OR9Q1: variants seen among roughly 807,000 people sequenced by gnomAD.
OR9Q1 encodes olfactory receptor family 9 subfamily Q member 1.
For synonymous variants in OR9Q1, 153 were observed against 148.6 expected (o/e 1.03, Z -0.22); for missense variants, 374 against 378.8 (o/e 0.99, Z 0.11).
At position 58,078,770 on chromosome 11, in the gene OR9Q1, T is replaced by C. The variant is rs143539504; in HGVS notation, c.-15+22823T>C. 1.2e-4 allele frequency among the ~76,000 whole-genome samples: 18 copies of C among 152,348 alleles called. No homozygotes were observed. The East Asian group carries it at 3.5e-3, about 29-fold the overall frequency. On this transcript the variant is annotated intron_variant, in intron 2 of 2. Transcript: ENST00000335397. ...TAGAAGACCCATCATTGGTATTTTCTCTTGAGCATCTCCTCTCTTTGAAAA... is the reference window on the plus strand; with the variant it reads ...TAGAAGACCCATCATTGGTATTTTCCCTTGAGCATCTCCTCTCTTTGAAAA...
chr11:58,143,052 T>C (rs766764299), intron 2 of OR9Q1, among the ~76,000 whole-genome samples: 1 of 152,148 alleles, frequency 6.6e-6, no homozygotes. Context: ...ATTGTGCATA[T>C]ATGCACATCA....
At chr11:58,048,063 G>T (rs1178135622) in intron 1 of OR9Q1, among the ~76,000 whole-genome samples, 5 of 152,122 alleles carry the variant, frequency 3.3e-5, no homozygotes, top group Non-Finnish European at 7.4e-5. Context: ...AAGATAATGG[G>T]GATCTGAAAC....
intron 2 of OR9Q1, among the ~76,000 whole-genome samples, chr11:58,175,544 C>G (rs1185464004): frequency 1.3e-5 from 2 of 152,056 alleles, no homozygotes; most frequent in African/African-American, 2.4e-5. Context: ...AATAGTATTC[C>G]CATAATACTA....
chr11:58,162,187 C>T (rs1380724863), intron 2 of OR9Q1, among the ~76,000 whole-genome samples: 5 of 152,302 alleles, frequency 3.3e-5, no homozygotes, highest in African/African-American at 1.2e-4. Context: ...GCTAACATAC[C>T]ATTATTGTCA....
Position 58,180,380 on chromosome 11 carries a change from A to G in OR9Q1, c.*3A>G, listed in dbSNP as rs1319485948. 7.1e-6 allele frequency: 11 copies of G among 1,548,742 alleles called. No individual in the cohort carries two copies. Among genetic ancestry groups the G allele is most frequent in the Non-Finnish European group, 9.6e-6 (11 of 1,145,146 alleles). The stretch of plus-strand genomic sequence containing the variant: ...TCAATAGAGCCAAGTTGTCCTAACC[A>G]TCTCCAAACTTGGAAAATCCCGAGA... On this transcript the variant is annotated 3_prime_UTR_variant, in exon 3 of 3. Transcript: ENST00000335397.
chr11:58,058,729 GA>G (rs1309525153), intron 2 of OR9Q1, among the ~76,000 whole-genome samples: 1 of 152,168 alleles, frequency 6.6e-6, no homozygotes. Context: ...TGATCTTTGA[GA>G]AGGCCATGCA....
chr11:58,070,155 C>T (rs1307523502), intron 2 of OR9Q1, among the ~76,000 whole-genome samples: 1 of 151,242 alleles, frequency 6.6e-6, no homozygotes, highest in Non-Finnish European at 1.5e-5. Context: ...GTGTACGCCA[C>T]CATGCCTGCA....
chr11:58,179,626 TCCTTCTGAGTCA>T lies in OR9Q1; in HGVS notation c.186_197del (p.Leu63_Leu66del). On this transcript the variant is annotated inframe_deletion, in exon 3 of 3. Coordinates refer to ENST00000335397, the MANE Select transcript of OR9Q1 (RefSeq NM_001005212.4). Reference sequence around the variant, plus strand: ...CACCAGCTCCACGCTCCAATGTATTTCCTTCTGAGTCACCTCGCTTTCATGGACGTCTGCTAC... The same window carrying T: ...CACCAGCTCCACGCTCCAATGTATTTCCTCGCTTTCATGGACGTCTGCTAC... The T allele has an allele frequency of 2.5e-6, 4 of 1,613,150 alleles. No individual in the cohort carries two copies. The highest frequency in any genetic ancestry group is 3.4e-6 in the Non-Finnish European group (4 of 1,179,310).
intron 2 of OR9Q1, chr11:58,109,646 G>C (rs758284537): frequency 7.5e-5 from 34 of 454,940 alleles, no homozygotes; most frequent in Middle Eastern, 3.3e-4. Context: ...ACAGTGCTGA[G>C]ATTTCTTTTG....
intron 1 of OR9Q1, among the ~76,000 whole-genome samples, chr11:58,050,445 A>T (rs1447417176): frequency 7.7e-6 from 1 of 129,630 alleles, no homozygotes; most frequent in Non-Finnish European, 1.6e-5. Flanking sequence ...ACAAAAATCA[A>T]TTCAAGATGG....
chr11:58,078,177 C>G (rs186965271), intron 2 of OR9Q1: 1 of 152,198 alleles, frequency 6.6e-6, no homozygotes, highest in Non-Finnish European at 1.5e-5. Context: ...AAAACAACAA[C>G]GACGACAACA....
In OR9Q1 at chr11:58,106,999, T is replaced by TAA. The variant is rs1339799014; in HGVS notation, c.-15+51053_-15+51054dup. 3.3e-5 allele frequency among the ~76,000 whole-genome samples: 5 copies of TAA among 152,352 alleles called. No homozygotes were observed. The East Asian group carries it at 9.6e-4, about 29-fold the overall frequency. On this transcript the variant is annotated intron_variant, in intron 2 of 2. Transcript: ENST00000335397. The stretch of plus-strand genomic sequence containing the variant: ...GTTCCATATACAATTTCTATTTCTC[T>TAA]AAGAAATGCCATTGGGATTTTGATG...
chr11:58,141,735 A>C (rs1854251874), intron 2 of OR9Q1, among the ~76,000 whole-genome samples: 1 of 152,214 alleles, frequency 6.6e-6, no homozygotes, highest in Admixed American at 6.5e-5. Context: ...ACAAGGTCAC[A>C]CAAATAGAAA....
intron 1 of OR9Q1, chr11:58,047,319 T>G (rs1291367618): frequency 6.6e-6 from 1 of 152,180 alleles, no homozygotes; most frequent in Non-Finnish European, 1.5e-5. Context: ...TCAGCTCTAA[T>G]CTTTAAGGGT....
At chr11:58,029,207 A>G (rs530421838) in intron 1 of OR9Q1, among the ~76,000 whole-genome samples, 3 of 152,270 alleles carry the variant, frequency 2.0e-5, no homozygotes, top group Non-Finnish European at 2.9e-5. Context: ...TGAATGATCT[A>G]TTTCTCAGAC....
At chr11:58,175,181 G>A (rs573711908) in intron 2 of OR9Q1, among the ~76,000 whole-genome samples, 3 of 151,252 alleles carry the variant, frequency 2.0e-5, no homozygotes, top group Non-Finnish European at 4.4e-5. Flanking sequence ...GCCTCTCAGT[G>A]GATTGGGTAG....
At chr11:58,111,338 A>G (rs1458790223) in intron 2 of OR9Q1, among the ~76,000 whole-genome samples, 1 of 152,144 alleles carries the variant, frequency 6.6e-6, no homozygotes, top group Non-Finnish European at 1.5e-5. Flanking sequence ...ACTCCAGAGC[A>G]CTGCTTTTAC....
At chr11:58,110,482 G>A (rs1853888610) in intron 2 of OR9Q1, among the ~76,000 whole-genome samples, 1 of 152,116 alleles carries the variant, frequency 6.6e-6, no homozygotes, top group South Asian at 2.1e-4. Flanking sequence ...CCTTTATTCT[G>A]TGTTAGACAT....
chr11:58,162,554 C>T (rs1854466475), intron 2 of OR9Q1, among the ~76,000 whole-genome samples: 1 of 152,190 alleles, frequency 6.6e-6, no homozygotes, highest in South Asian at 2.1e-4. Context: ...ATTTTATTTT[C>T]TGACGCTGTA....
Sources: allele counts gnomAD v4.1 joint callset (sites outside exome capture counted in the v4.1 genomes callset), GRCh38; gene constraint gnomAD v4.1.1; transcripts MANE v1.5; gene names NCBI Gene and HGNC (gene_info 2026-07-23, HGNC 2026-07-21).